The following ALK variants were observed in gnomAD, a reference collection of about 807,000 sequenced individuals.
The protein encoded by ALK is ALK tyrosine kinase receptor.
A neutral mutation model predicts 163.1 loss-of-function variants in ALK; 74 were observed. That is an observed-to-expected ratio of 0.45 (90% CI 0.38 to 0.55). The LOEUF is 0.55. ALK is among the 20% of genes least tolerant of loss of function. The probability of loss-of-function intolerance (pLI) is 0.00; values close to 1 mark genes in which losing one functional copy is unlikely to be tolerated. For missense variants in ALK, 2,063 were observed against 2,105.3 expected (o/e 0.98, Z 0.39); for synonymous variants, 960 against 843.2 (o/e 1.14, Z -2.40).
At chr2:29,249,503 A>G (rs960962904) in intron 12 of ALK, among the ~76,000 whole-genome samples, 2 of 152,018 alleles carry the variant, frequency 1.3e-5, no homozygotes, top group African/African-American at 4.8e-5. Context: ...CATGCCTCCC[A>G]GAGTCCAGGC....
At chr2:29,629,357 G>A (rs2148235633) in intron 3 of ALK, among the ~76,000 whole-genome samples, 2 of 152,196 alleles carry the variant, frequency 1.3e-5, no homozygotes, top group South Asian at 4.2e-4. Flanking sequence ...ATGGAAAACT[G>A]TTTTCTAACT....
chr2:29,789,280 T>A (rs1046946399), intron 1 of ALK, among the ~76,000 whole-genome samples: 1 of 152,198 alleles, frequency 6.6e-6, no homozygotes, highest in Admixed American at 6.5e-5. Context: ...AGCACTGAGC[T>A]TATGATGGAA....
At position 29,765,635 on chromosome 2, in the gene ALK, CT is replaced by C. The variant is rs890081417; in HGVS notation, c.668-47939del. Among the ~76,000 whole-genome samples, 1,257 of 151,082 alleles carry C rather than the reference CT, an allele frequency of 8.3e-3. 17 individuals are homozygous for C. Among genetic ancestry groups the C allele is most frequent in the African/African-American group, 0.029 (1,211 of 41,160 alleles). Reference sequence around the variant, plus strand: ...CGCTTTTAGAATAAAAAAAGAGTACCTTTTTTTTTAAATTTAAATTTAAAAA... The same window carrying C: ...CGCTTTTAGAATAAAAAAAGAGTACCTTTTTTTTAAATTTAAATTTAAAAA... On this transcript the variant is annotated intron_variant, in intron 1 of 28. Transcript: ENST00000389048.
At chr2:29,436,199 G>C (rs1421775392) in intron 4 of ALK, among the ~76,000 whole-genome samples, 2 of 152,120 alleles carry the variant, frequency 1.3e-5, no homozygotes, top group Non-Finnish European at 2.9e-5. Context: ...AAATAAAATA[G>C]ATATTGAGCC....
intron 3 of ALK, among the ~76,000 whole-genome samples, chr2:29,624,577 AC>A (rs1676137988): frequency 6.6e-6 from 1 of 152,084 alleles, no homozygotes; most frequent in African/African-American, 2.4e-5. Flanking sequence ...CTTAAGACTC[AC>A]CGAGGCCTGC....
In ALK at chr2:29,520,321, T is replaced by A. The variant is rs151064001; in HGVS notation, c.1154+11594A>T. 7.2e-5 allele frequency among the ~76,000 whole-genome samples: 11 copies of A among 152,342 alleles called. No homozygotes were observed. The East Asian group carries it at 2.1e-3, about 29-fold the overall frequency. On this transcript the variant is annotated intron_variant, in intron 4 of 28. Transcript: ENST00000389048. ...GTCAAGAGCATTATAGATGCATTCT[T>A]AAAACCATGTCGCAAGTTTTCAAAG...
chr2:29,667,483 T>C (rs537543128), intron 3 of ALK, among the ~76,000 whole-genome samples: 101 of 152,134 alleles, frequency 6.6e-4, no homozygotes, highest in Non-Finnish European at 1.2e-3. Flanking sequence ...TTTTGCAGTA[T>C]GTTCCTTCTA....
At chr2:29,497,249 G>A (rs947459462) in intron 4 of ALK, among the ~76,000 whole-genome samples, 3 of 150,862 alleles carry the variant, frequency 2.0e-5, no homozygotes, top group Non-Finnish European at 4.4e-5. Context: ...TCCTGCCTGG[G>A]CAACAAGAGT....
intron 4 of ALK, among the ~76,000 whole-genome samples, chr2:29,451,589 C>T (rs1161173161): frequency 1.3e-5 from 2 of 152,176 alleles, no homozygotes; most frequent in Non-Finnish European, 2.9e-5. Context: ...CTCCTCTCAA[C>T]CCAAAAGAAT....
chr2:29,721,620 G>C (rs928551694), intron 1 of ALK, among the ~76,000 whole-genome samples: 5 of 152,166 alleles, frequency 3.3e-5, no homozygotes, highest in African/African-American at 4.8e-5. Context: ...ACATGTATCA[G>C]TGCCTTCTCT....
intron 11 of ALK, among the ~76,000 whole-genome samples, chr2:29,271,902 G>T (rs1665397347): frequency 1.3e-5 from 2 of 152,250 alleles, no homozygotes; most frequent in Admixed American, 1.3e-4. Context: ...TGGGCCCAAA[G>T]TTTGGGCGGG....
chr2:29,435,355 C>T (rs78451549), intron 4 of ALK, among the ~76,000 whole-genome samples: 13 of 152,120 alleles, frequency 8.5e-5, no homozygotes, highest in Non-Finnish European at 1.8e-4. Context: ...TTGTTCTCTG[C>T]TGAGTCTACC....
chr2:29,770,727 GA>G (rs1329595789), intron 1 of ALK, among the ~76,000 whole-genome samples: 39 of 152,280 alleles, frequency 2.6e-4, no homozygotes, highest in African/African-American at 8.2e-4. Context: ...AAAGTCAACA[GA>G]GGGTTATAAG....
chr2:29,240,152 CAGAGAG>C (rs3054022), intron 12 of ALK, among the ~76,000 whole-genome samples: 7,478 of 143,360 alleles, frequency 0.052, 627 homozygotes, highest in African/African-American at 0.17. Flanking sequence ...AGGGAAACAG[CAGAGAG>C]AGAGAGAGAG....
chr2:29,221,264 G>T (rs778070843), intron 22 of ALK: 1 of 522,862 alleles, frequency 1.9e-6, no homozygotes, highest in East Asian at 4.4e-5. Context: ...AAGTGACAGC[G>T]TGTGAAACAG....
intron 4 of ALK, among the ~76,000 whole-genome samples, chr2:29,460,379 T>C (rs564578916): frequency 1.9e-4 from 29 of 152,288 alleles, no homozygotes; most frequent in East Asian, 1.7e-3. Context: ...ATAAGTCATA[T>C]ACACATGCAG....
chr2:29,742,031 A>T (rs1464938254), intron 1 of ALK, among the ~76,000 whole-genome samples: 1 of 152,208 alleles, frequency 6.6e-6, no homozygotes, highest in African/African-American at 2.4e-5. Flanking sequence ...CCTTCATCAC[A>T]CTAACAACTT....
intron 1 of ALK, among the ~76,000 whole-genome samples, chr2:29,742,219 G>A (rs1308334470): frequency 1.3e-5 from 2 of 152,246 alleles, no homozygotes; most frequent in Non-Finnish European, 2.9e-5. Flanking sequence ...TCCATTAGGT[G>A]AGATGCCATC....
intron 3 of ALK, among the ~76,000 whole-genome samples, chr2:29,571,760 G>A (rs1012592297): frequency 2.0e-5 from 3 of 151,746 alleles, no homozygotes; most frequent in African/African-American, 4.8e-5. Flanking sequence ...CAGACTACAG[G>A]TGTGCACCAC....
Sources: gnomAD v4.1 joint callset for allele counts (sites outside exome capture counted in the v4.1 genomes callset) on GRCh38, gnomAD v4.1.1 for gene constraint, MANE v1.5 for transcripts, NCBI Gene and HGNC (gene_info 2026-07-23, HGNC 2026-07-21) for gene names.